SYNRG: variants seen among roughly 807,000 people sequenced by gnomAD.
SYNRG encodes the protein synergin gamma, also known as AP1 gamma subunit binding protein 1.
A neutral mutation model predicts 130.9 loss-of-function variants in SYNRG; 37 were observed. That is an observed-to-expected ratio of 0.28 (90% CI 0.22 to 0.37). The LOEUF (loss-of-function observed/expected upper bound fraction) is 0.37, where lower values mean the gene tolerates loss of function less well. SYNRG is among the 10% of genes least tolerant of loss of function. The pLI, the probability that SYNRG is intolerant of heterozygous loss-of-function variation, is 1.00. For synonymous variants in SYNRG, 539 were observed against 568.1 expected (o/e 0.95, Z 0.73); for missense variants, 1,338 against 1,588.9 (o/e 0.84, Z 2.68).
At position 37,542,450 on chromosome 17, in the gene SYNRG, G is replaced by C. The variant is rs192119774; in HGVS notation, c.2724C>G (p.Leu908=). 6 of 1,614,136 alleles carry C rather than the reference G, an allele frequency of 3.7e-6. No individual in the cohort carries two copies. The Admixed American group carries it at 5.0e-5, about 13-fold the overall frequency. The change falls in exon 15 of 22, where the codon CTC becomes CTG. Residue 908 remains leucine (L), a synonymous_variant. Transcript: ENST00000612223. ...DRDDATQGRK[L]SPFVLSAGSG... ...TTCCTGCTGAGAGGACAAATGGAGA[G>C]AGTTTTCTGCCCTGAGTTGCATCAT...
intron 14 of SYNRG, among the ~76,000 whole-genome samples, chr17:37,543,160 T>G (rs2057928858): frequency 1.3e-5 from 2 of 152,218 alleles, no homozygotes; most frequent in South Asian, 4.1e-4. Context: ...ATTACTTACC[T>G]AGTTGTTATT....
intron 19 of SYNRG, among the ~76,000 whole-genome samples, chr17:37,521,579 T>C (rs1162319192): frequency 6.6e-6 from 1 of 152,106 alleles, no homozygotes; most frequent in Non-Finnish European, 1.5e-5. Flanking sequence ...TGGAAGCCAC[T>C]AAGGCTTCCA....
At chr17:37,574,561 A>T (rs1317486857) in intron 8 of SYNRG, among the ~76,000 whole-genome samples, 2 of 152,220 alleles carry the variant, frequency 1.3e-5, no homozygotes, top group African/African-American at 4.8e-5. Flanking sequence ...ATACAAAAAA[A>T]GCTAATAATC....
At chr17:37,597,741 C>A (rs2062904251) in intron 2 of SYNRG, among the ~76,000 whole-genome samples, 1 of 152,188 alleles carries the variant, frequency 6.6e-6, no homozygotes, top group Non-Finnish European at 1.5e-5. Flanking sequence ...TTAATAAATA[C>A]TAAATGCTTA....
At chr17:37,605,717 C>CA in intron 1 of SYNRG, 2 of 744,222 alleles carry the variant, frequency 2.7e-6, no homozygotes, top group Non-Finnish European at 3.3e-6. Context: ...AAAAGCTTGG[C>CA]AAAAAACTGG....
At position 37,609,391 on chromosome 17, in the gene SYNRG, A is replaced by G; in HGVS notation, c.-36T>C. On this transcript the variant is annotated 5_prime_UTR_variant, in exon 1 of 22. Coordinates refer to ENST00000612223, the MANE Select transcript of SYNRG (RefSeq NM_007247.6). ...ACCTGCCGCTGCCTTCGCCGCCGCC[A>G]CCTTATCAGCAGCTGTCAGCTGAAC... 7.2e-7 allele frequency: 1 copy of G among 1,395,882 alleles called. No homozygotes were observed. The highest frequency in any genetic ancestry group is 9.3e-7 in the Non-Finnish European group (1 of 1,078,940). The allele number at this position is 1,395,882 out of a possible 1,614,324, so 86.5% of individuals were successfully genotyped here. A position where few individuals can be genotyped will look rare whatever the true frequency, so the allele number is the denominator to read the frequency against.
At chr17:37,582,462 C>T (rs2061406693) in intron 6 of SYNRG, among the ~76,000 whole-genome samples, 1 of 152,096 alleles carries the variant, frequency 6.6e-6, no homozygotes, top group African/African-American at 2.4e-5. Context: ...AAAGACCAAA[C>T]CAATGTTTCT....
intron 1 of SYNRG, among the ~76,000 whole-genome samples, chr17:37,602,140 A>G (rs2063341854): frequency 1.3e-5 from 2 of 152,118 alleles, no homozygotes; most frequent in African/African-American, 4.8e-5. Flanking sequence ...GTTCCAGACC[A>G]GCCTGACCAA....
intron 19 of SYNRG, among the ~76,000 whole-genome samples, chr17:37,534,833 T>C (rs1714314298): frequency 6.6e-6 from 1 of 152,088 alleles, no homozygotes; most frequent in African/African-American, 2.4e-5. Flanking sequence ...GGCTATCAGT[T>C]CAGAAAATTA....
chr17:37,586,511 C>T lies in SYNRG; in HGVS notation c.279G>A (p.Met93Ile). The T allele has an allele frequency of 6.2e-7, 1 of 1,614,182 alleles. No individual in the cohort carries two copies. The highest frequency in any genetic ancestry group is 8.5e-7 in the Non-Finnish European group (1 of 1,180,034). ...GGAAGGGTGCTTGTCCTAGGTAAGG[C>T]ATTCCCGCTGCTGGCATTGGTCCCA... ...IPMGPMPAAG[M>I]PYLGQAPFLG... The change falls in exon 4 of 22, where the codon ATG becomes ATA. Residue 93 changes from methionine (M) to isoleucine (I), a missense_variant. Met to Ile is a conservative substitution (Grantham distance 10, BLOSUM62 1). Coordinates refer to ENST00000612223, the MANE Select transcript of SYNRG (RefSeq NM_007247.6).
intron 13 of SYNRG, among the ~76,000 whole-genome samples, chr17:37,556,366 G>A (rs2059120821): frequency 6.6e-6 from 1 of 152,084 alleles, no homozygotes; most frequent in East Asian, 1.9e-4. Context: ...CAGGAGAATC[G>A]CTTGAACCCT....
At chr17:37,598,505 G>T (rs2062978478) in intron 2 of SYNRG, among the ~76,000 whole-genome samples, 1 of 152,084 alleles carries the variant, frequency 6.6e-6, no homozygotes, top group Admixed American at 6.5e-5. Context: ...TTTCTGAATG[G>T]GTAACTCAGA....
chr17:37,569,932 T>C (rs1374620205), intron 10 of SYNRG, among the ~76,000 whole-genome samples: 10 of 152,288 alleles, frequency 6.6e-5, no homozygotes, highest in African/African-American at 2.4e-4. Context: ...TAGATCTATC[T>C]CATTCAGTTT....
rs2054513748 is a variant in SYNRG at position 37,517,451 on chromosome 17, G to A, written c.*1489C>T. ...ATGGCCAGAGACGGTATCATCGGGA[G>A]CGAGTGAGAAAAGCCTTTCTCTCCT... On this transcript the variant is annotated 3_prime_UTR_variant, in exon 22 of 22. Transcript: ENST00000612223. 2 of 151,768 alleles carry A rather than the reference G, an allele frequency of 1.3e-5. No individual in the cohort carries two copies. The highest frequency in any genetic ancestry group is 4.2e-4 in the South Asian group (2 of 4,804). 9.4% of individuals were successfully genotyped at this position (151,768 alleles called of 1,614,324 possible). A position where few individuals can be genotyped will look rare whatever the true frequency, so the allele number is the denominator to read the frequency against.
At chr17:37,596,374 A>G in intron 2 of SYNRG, 30 bp from the exon 3 acceptor site, 3 of 1,611,294 alleles carry the variant, frequency 1.9e-6, no homozygotes, top group Non-Finnish European at 2.5e-6. Context: ...ATTAAAGTCA[A>G]TGTGTTTTAA....
rs1375968314 is a variant in SYNRG, at chr17:37,542,472, T to C, written c.2702A>G (p.Asp901Gly). ...AGAGAGTTTTCTGCCCTGAGTTGCA[T>C]CATCCCTGTCTGACCAGTCATAGCT... Reference protein sequence around the residue: ...LTSYDWSDRDDATQGRKLSPF... With the variant: ...LTSYDWSDRDGATQGRKLSPF... The change falls in exon 15 of 22, where the codon GAT becomes GGT. Residue 901 changes from aspartate to glycine, a missense_variant. Transcript: ENST00000612223. The C allele has an allele frequency of 1.2e-6, 2 of 1,614,078 alleles. No individual in the cohort carries two copies. Among genetic ancestry groups the C allele is most frequent in the South Asian group, 2.2e-5 (2 of 91,082 alleles).
At chr17:37,523,897 C>G (rs1027664728) in intron 19 of SYNRG, among the ~76,000 whole-genome samples, 3 of 152,276 alleles carry the variant, frequency 2.0e-5, no homozygotes, top group Middle Eastern at 6.8e-3. Context: ...CTGACAGGAA[C>G]ACAGTAAAAG....
rs148948026 is a variant in SYNRG at position 37,584,693 on chromosome 17, C to T, written c.544G>A (p.Asp182Asn). 6.4e-3 allele frequency: 10,288 copies of T among 1,613,796 alleles called. 44 individuals carry two copies. Among genetic ancestry groups the T allele is most frequent in the Non-Finnish European group, 8.0e-3 (9,457 of 1,179,758 alleles). ...GCTGGAGTAGGGTGCATTTTTGCAT[C>T]TCTGGAAAACCCATCTAAATTTCCT... ...IKGNLDGFSR[D>N]AKMHPTPASH... Residue 182 changes from aspartate to asparagine, a missense_variant, in exon 6 of 22, where the codon GAT becomes AAT. By Grantham distance (23) the Asp-to-Asn change is conservative. Coordinates refer to ENST00000612223, the MANE Select transcript of SYNRG (RefSeq NM_007247.6).
intron 11 of SYNRG, chr17:37,568,582 C>T (rs996960701): frequency 1.9e-5 from 9 of 482,552 alleles, no homozygotes; most frequent in Non-Finnish European, 3.2e-5. Flanking sequence ...CAGGTGTGTA[C>T]TTACAGGAAA....
Sources: gnomAD v4.1 joint callset for allele counts (sites outside exome capture counted in the v4.1 genomes callset) on GRCh38, gnomAD v4.1.1 for gene constraint, MANE v1.5 for transcripts, NCBI Gene and HGNC (gene_info 2026-07-23, HGNC 2026-07-21) for gene names.